The following NSG2 variants were observed in gnomAD, a reference collection of about 807,000 sequenced individuals.
NSG2 encodes neuronal vesicle trafficking-associated protein 2.
In NSG2, 4 loss-of-function variants were observed where a neutral mutation model predicts 16.9. The ratio of observed to expected loss-of-function variants is 0.24; its 90% CI spans 0.12 to 0.54. The LOEUF is 0.54. Ranked by LOEUF, NSG2 falls within the 20% of genes least tolerant of loss-of-function variation. The pLI, the probability that NSG2 is intolerant of heterozygous loss-of-function variation, is 0.95. For synonymous variants in NSG2, 98 were observed against 88.7 expected (o/e 1.11, Z -0.59); for missense variants, 179 against 221.1 (o/e 0.81, Z 1.21).
intron 3 of NSG2, among the ~76,000 whole-genome samples, chr5:174,092,500 G>A (rs1441994185): frequency 6.6e-6 from 1 of 152,256 alleles, no homozygotes; most frequent in African/African-American, 2.4e-5. Context: ...TGGTTGGGGA[G>A]GACGGATCAC....
At chr5:174,070,645 G>T (rs1760222707) in intron 3 of NSG2, among the ~76,000 whole-genome samples, 1 of 152,130 alleles carries the variant, frequency 6.6e-6, no homozygotes, top group Non-Finnish European at 1.5e-5. Flanking sequence ...GTGTGGATCA[G>T]ATGAGAAACA....
At position 174,098,071 on chromosome 5, in the gene NSG2, C is replaced by T. The variant is rs567744175; in HGVS notation, c.214-6157C>T. 3.9e-5 allele frequency among the ~76,000 whole-genome samples: 6 copies of T among 152,194 alleles called. No individual in the cohort carries two copies. In the East Asian group the frequency reaches 1.2e-3, roughly 29 times the overall value. On this transcript the variant is annotated intron_variant, in intron 3 of 4. Transcript: ENST00000303177. ...GCAGTGTGCTCCTATGGAGGAGGAACTGGAGCAGGCCCCAGCTACACAGCA... is the reference window on the plus strand; with the variant it reads ...GCAGTGTGCTCCTATGGAGGAGGAATTGGAGCAGGCCCCAGCTACACAGCA...
chr5:174,051,260 G>A (rs1289090059), intron 2 of NSG2, among the ~76,000 whole-genome samples: 1 of 152,060 alleles, frequency 6.6e-6, no homozygotes, highest in Admixed American at 6.6e-5. Context: ...TCCTGCCCCT[G>A]GGTAGAATTA....
chr5:174,046,688 T>C, intron 1 of NSG2, 46 bp from the exon 2 acceptor site: 1 of 1,597,186 alleles, frequency 6.3e-7, no homozygotes, highest in Middle Eastern at 2.0e-4. Context: ...GCCCTCTCTT[T>C]CTGCCTCACC....
intron 3 of NSG2, among the ~76,000 whole-genome samples, chr5:174,091,009 T>C (rs974087405): frequency 6.6e-6 from 1 of 152,040 alleles, no homozygotes; most frequent in Non-Finnish European, 1.5e-5. Flanking sequence ...ATCTGATTCT[T>C]TCTTTTCTTC....
intron 2 of NSG2, among the ~76,000 whole-genome samples, chr5:174,057,041 T>G (rs994316808): frequency 1.3e-5 from 2 of 152,214 alleles, no homozygotes; most frequent in Non-Finnish European, 2.9e-5. Flanking sequence ...ACAATGGGGA[T>G]CCAATGTGTA....
chr5:174,049,496 C>A (rs931330622), intron 2 of NSG2, among the ~76,000 whole-genome samples: 2 of 152,242 alleles, frequency 1.3e-5, no homozygotes, highest in African/African-American at 4.8e-5. Flanking sequence ...TTTCTTTCTT[C>A]TTCTCAGGAA....
intron 3 of NSG2, among the ~76,000 whole-genome samples, chr5:174,097,083 T>C (rs1760808932): frequency 6.6e-6 from 1 of 152,078 alleles, no homozygotes; most frequent in Non-Finnish European, 1.5e-5. Flanking sequence ...TTAGCATCTG[T>C]TGTTATTGTT....
At chr5:174,065,320 T>C (rs1300803242) in intron 3 of NSG2, among the ~76,000 whole-genome samples, 4 of 142,840 alleles carry the variant, frequency 2.8e-5, no homozygotes, top group African/African-American at 5.3e-5. Context: ...AGAGCAAGAC[T>C]CCGTCTCAAA....
intron 3 of NSG2, among the ~76,000 whole-genome samples, chr5:174,070,705 AC>A (rs1047017652): frequency 6.6e-6 from 1 of 152,002 alleles, no homozygotes; most frequent in African/African-American, 2.4e-5. Context: ...CAACTCTGGG[AC>A]CCCTTCCTGA....
At chr5:174,059,089 T>G (rs1023190229) in intron 2 of NSG2, among the ~76,000 whole-genome samples, 2 of 152,216 alleles carry the variant, frequency 1.3e-5, no homozygotes, top group Non-Finnish European at 2.9e-5. Context: ...CTCTGCCTAA[T>G]TTCAGTACCC....
rs1246603511 is a variant in NSG2, at chr5:174,107,321, G to A, written c.332G>A (p.Arg111His). 2.6e-6 allele frequency: 4 copies of A among 1,560,802 alleles called. No homozygotes were observed. Among genetic ancestry groups the A allele is most frequent in the East Asian group, 2.3e-5 (1 of 43,888 alleles). ...TGTCTCTTTCTTCCCCAGCACAAAC[G>A]CTGTATCCCAGCCTCCCTGGATGCT... Reference protein sequence around the residue: ...CPEGFVYKHKRCIPASLDAYY... With the variant: ...CPEGFVYKHKHCIPASLDAYY... The change falls in exon 5 of 5, where the codon CGC (arginine) becomes CAC (histidine). Residue 111 changes from arginine (R) to histidine (H), a missense_variant. Transcript: ENST00000303177. The surrounding 1 kb of genome is among the most constrained non-coding windows in gnomAD (Gnocchi z 4.5).
chr5:174,063,140 CT>C (rs1760079286), intron 2 of NSG2, among the ~76,000 whole-genome samples: 1 of 152,208 alleles, frequency 6.6e-6, no homozygotes, highest in Admixed American at 6.5e-5. Flanking sequence ...TCTCACTTAA[CT>C]CTCAAAGCAA....
chr5:174,087,257 G>A (rs765734669), intron 3 of NSG2, among the ~76,000 whole-genome samples: 14 of 152,216 alleles, frequency 9.2e-5, no homozygotes, highest in African/African-American at 1.2e-4. Context: ...GGAGAGAACC[G>A]GTGTATTCCA....
At chr5:174,046,478 G>A (rs964713466) in intron 1 of NSG2, among the ~76,000 whole-genome samples, 1 of 152,146 alleles carries the variant, frequency 6.6e-6, no homozygotes, top group Non-Finnish European at 1.5e-5. Flanking sequence ...TGTGTGTATA[G>A]GTTTAGGATT....
chr5:174,088,372 G>T (rs570999076), intron 3 of NSG2, among the ~76,000 whole-genome samples: 2 of 152,288 alleles, frequency 1.3e-5, no homozygotes, highest in East Asian at 1.9e-4. Flanking sequence ...AGTAATGAAG[G>T]CTGTCTTCAG....
At chr5:174,061,043 A>G (rs1165045381) in intron 2 of NSG2, among the ~76,000 whole-genome samples, 3 of 152,156 alleles carry the variant, frequency 2.0e-5, no homozygotes, top group Non-Finnish European at 2.9e-5. Context: ...TGCCTACCCC[A>G]AAAAGCAATT....
intron 4 of NSG2, among the ~76,000 whole-genome samples, chr5:174,105,595 A>G (rs1760964901): frequency 6.6e-6 from 1 of 152,198 alleles, no homozygotes; most frequent in African/African-American, 2.4e-5. Flanking sequence ...GTGTCCTTAG[A>G]ATACACTCCA....
At chr5:174,054,808 G>T (rs1037819895) in intron 2 of NSG2, among the ~76,000 whole-genome samples, 4 of 152,162 alleles carry the variant, frequency 2.6e-5, no homozygotes, top group Non-Finnish European at 2.9e-5. Flanking sequence ...TGTACAGGGA[G>T]GTGTCAGAAT....
Sources: gnomAD v4.1 joint callset for allele counts (sites outside exome capture counted in the v4.1 genomes callset) on GRCh38, gnomAD v4.1.1 for gene constraint, Gnocchi (gnomAD v3.1) non-coding constraint, MANE v1.5 for transcripts, NCBI Gene and HGNC (gene_info 2026-07-23, HGNC 2026-07-21) for gene names.